The following WIPF1 variants were observed in gnomAD, a reference collection of about 807,000 sequenced individuals.
WIPF1 encodes the protein WAS/WASL-interacting protein family member 1.
WIPF1 carries 13 observed loss-of-function variants against 35.4 expected under a neutral mutation model. The observed-to-expected ratio is 0.37, with a 90% CI of 0.24 to 0.58. The LOEUF (loss-of-function observed/expected upper bound fraction) is 0.58. Among genes scored for constraint, WIPF1 ranks in the 20% least tolerant of loss-of-function variants. The probability of loss-of-function intolerance (pLI) is 0.74; values close to 1 mark genes in which losing one functional copy is unlikely to be tolerated. For missense variants in WIPF1, 591 were observed against 667.0 expected, an observed-to-expected ratio of 0.89 and a Z score of 1.25; for synonymous variants, 267 against 266.3, an observed-to-expected ratio of 1.00 and a Z score of -0.02.
intron 1 of WIPF1, among the ~76,000 whole-genome samples, chr2:174,641,567 AT>A (rs1687294188): frequency 6.6e-6 from 1 of 152,194 alleles, no homozygotes; most frequent in Non-Finnish European, 1.5e-5. Flanking sequence ...ACAGAGACTA[AT>A]TCAACCATTT....
intron 5 of WIPF1, among the ~76,000 whole-genome samples, chr2:174,569,107 G>A (rs746873229): frequency 1.3e-5 from 2 of 152,028 alleles, no homozygotes; most frequent in African/African-American, 2.4e-5. Context: ...AGTGTGTTCC[G>A]CTTGTAAGAT....
chr2:174,633,645 T>C (rs745649304), intron 1 of WIPF1, among the ~76,000 whole-genome samples: 11 of 152,230 alleles, frequency 7.2e-5, no homozygotes, highest in African/African-American at 1.7e-4. Context: ...CTGTCCCTCA[T>C]TGGCCTCAGG....
intron 1 of WIPF1, among the ~76,000 whole-genome samples, chr2:174,641,589 T>C (rs767336569): frequency 1.3e-5 from 2 of 152,234 alleles, no homozygotes; most frequent in Non-Finnish European, 2.9e-5. Flanking sequence ...CCCACTGGCA[T>C]ATCTTACAAA....
chr2:174,605,695 T>C (rs1686138121), intron 1 of WIPF1, among the ~76,000 whole-genome samples: 1 of 152,038 alleles, frequency 6.6e-6, no homozygotes, highest in Non-Finnish European at 1.5e-5. Context: ...CAAAGTAATA[T>C]AGAAAAGGAG....
Position 174,590,614 on chromosome 2 carries a change from G to C in WIPF1, c.-38-5003C>G, listed in dbSNP as rs547634411. 6.6e-6 allele frequency among the ~76,000 whole-genome samples: 1 copy of C among 152,284 alleles called. No individual in the cohort carries two copies. The highest frequency in any genetic ancestry group is 6.5e-5 in the Admixed American group (1 of 15,296). On this transcript the variant is annotated intron_variant, in intron 1 of 7. Coordinates refer to ENST00000679041, the MANE Select transcript of WIPF1 (RefSeq NM_001375834.1). The surrounding 1 kb of genome is among the most constrained non-coding windows in gnomAD (Gnocchi z 4.6). ...GGACTCAGCAGCAGTTTCCCAGTGT[G>C]GTCAGTCATCTCCTGCATCAGAATC...
chr2:174,659,647 GA>G (rs1219141414), intron 1 of WIPF1, among the ~76,000 whole-genome samples: 2 of 152,138 alleles, frequency 1.3e-5, no homozygotes, highest in East Asian at 3.9e-4. Flanking sequence ...TGCTAATGAG[GA>G]AACTGAGAAC....
chr2:174,620,042 G>A (rs1686626950), intron 1 of WIPF1, among the ~76,000 whole-genome samples: 1 of 152,112 alleles, frequency 6.6e-6, no homozygotes, highest in Admixed American at 6.5e-5. Flanking sequence ...TTCTTGAATG[G>A]GTCAGAATAA....
At chr2:174,651,328 ACTAT>A (rs1160885858) in intron 1 of WIPF1, among the ~76,000 whole-genome samples, 3 of 152,160 alleles carry the variant, frequency 2.0e-5, no homozygotes, top group Non-Finnish European at 4.4e-5. Context: ...AATCAACACT[ACTAT>A]CTTTTTTAAA....
chr2:174,571,929 A>G lies in WIPF1; in HGVS notation c.876T>C (p.Pro292=), dbSNP rs1185967013. 1.9e-6 allele frequency: 3 copies of G among 1,600,156 alleles called. No homozygotes were observed. Among genetic ancestry groups the G allele is most frequent in the African/African-American group, 2.7e-5 (2 of 73,816 alleles). The change falls in exon 5 of 8, where the codon CCT becomes CCC. Residue 292 remains proline, a synonymous_variant. Coordinates refer to ENST00000679041, the MANE Select transcript of WIPF1 (RefSeq NM_001375834.1). This position sits in a 1 kb window ranked among gnomAD's most constrained non-coding sequence, Gnocchi z 4.6. ...AAGGCCGCGGAGTGGAAGGCACTGG[A>G]GGCTTGTTGTTCTGAGGAGGAGGAG... ...VPPPPPQNNK[P]PVPSTPRPSA...
chr2:174,655,313 C>T (rs890266001), intron 1 of WIPF1, among the ~76,000 whole-genome samples: 6 of 152,146 alleles, frequency 3.9e-5, no homozygotes, highest in South Asian at 2.1e-4. Flanking sequence ...CACCTCCCTC[C>T]GTTCTTAGTA....
At chr2:174,657,704 C>A (rs1372719473) in intron 1 of WIPF1, among the ~76,000 whole-genome samples, 4 of 151,950 alleles carry the variant, frequency 2.6e-5, no homozygotes, top group Non-Finnish European at 4.4e-5. Flanking sequence ...ACCAGCCTGA[C>A]CAACATGGTG....
At chr2:174,634,107 TA>T (rs1167610884) in intron 1 of WIPF1, among the ~76,000 whole-genome samples, 6 of 152,244 alleles carry the variant, frequency 3.9e-5, no homozygotes, top group Admixed American at 1.3e-4. Context: ...AGCACGTTTT[TA>T]TGCACAGTAT....
intron 1 of WIPF1, among the ~76,000 whole-genome samples, chr2:174,638,811 A>C (rs919847971): frequency 6.6e-6 from 1 of 152,186 alleles, no homozygotes; most frequent in Non-Finnish European, 1.5e-5. Flanking sequence ...AGATTCCCAC[A>C]TCTTGGCTAT....
intron 1 of WIPF1, among the ~76,000 whole-genome samples, chr2:174,680,821 T>C (rs530541205): frequency 6.6e-6 from 1 of 152,310 alleles, no homozygotes; most frequent in East Asian, 1.9e-4. Context: ...GGATGGCCCC[T>C]GTATCATACT....
chr2:174,653,594 T>C (rs1052478578), intron 1 of WIPF1, among the ~76,000 whole-genome samples: 1 of 151,190 alleles, frequency 6.6e-6, no homozygotes, highest in Admixed American at 6.6e-5. Context: ...AAAAAAAAAT[T>C]AGCCGGGTGT....
intron 1 of WIPF1, among the ~76,000 whole-genome samples, chr2:174,643,380 A>G (rs1196385090): frequency 1.3e-5 from 2 of 149,134 alleles, no homozygotes; most frequent in Non-Finnish European, 2.9e-5. Context: ...CTTCATTTGT[A>G]TTTTAAATTT....
At chr2:174,648,790 T>C (rs1281287325) in intron 1 of WIPF1, among the ~76,000 whole-genome samples, 2 of 152,118 alleles carry the variant, frequency 1.3e-5, no homozygotes, top group Non-Finnish European at 2.9e-5. Flanking sequence ...AAAAAACACA[T>C]CTAGCCTGAT....
intron 1 of WIPF1, among the ~76,000 whole-genome samples, chr2:174,615,337 C>T (rs1171029327): frequency 6.6e-6 from 1 of 152,130 alleles, no homozygotes; most frequent in African/African-American, 2.4e-5. Context: ...TATGGAATCA[C>T]ATCAGTTTTT....
At chr2:174,584,573 A>G (rs1322385049) in intron 2 of WIPF1, among the ~76,000 whole-genome samples, 1 of 152,176 alleles carries the variant, frequency 6.6e-6, no homozygotes, top group African/African-American at 2.4e-5. Flanking sequence ...AGAGTTGCCA[A>G]ATTCCTGAAG....
Sources: gnomAD v4.1 joint callset for allele counts (sites outside exome capture counted in the v4.1 genomes callset) on GRCh38, gnomAD v4.1.1 for gene constraint, Gnocchi (gnomAD v3.1) non-coding constraint, MANE v1.5 for transcripts, NCBI Gene and HGNC (gene_info 2026-07-23, HGNC 2026-07-21) for gene names.